TMEM150C: variants seen among roughly 807,000 people sequenced by gnomAD.
The protein encoded by TMEM150C is tentonin 3.
Under a neutral mutation model 29.9 loss-of-function variants are expected in TMEM150C, and 10 were observed. That is an observed-to-expected ratio of 0.33 (90% CI 0.21 to 0.57). The LOEUF is 0.57. TMEM150C is among the 20% of genes least tolerant of loss of function. The pLI is 0.88. For missense variants in TMEM150C, 251 were observed against 303.6 expected (o/e 0.83, Z 1.29); for synonymous variants, 101 against 112.5 (o/e 0.90, Z 0.64).
chr4:82,489,641 T>G (rs1276377142), intron 7 of TMEM150C, among the ~76,000 whole-genome samples: 1 of 152,176 alleles, frequency 6.6e-6, no homozygotes, highest in Non-Finnish European at 1.5e-5. Flanking sequence ...TATAAATGTA[T>G]TGGTCCTCTG....
intron 1 of TMEM150C, among the ~76,000 whole-genome samples, chr4:82,519,397 T>C (rs1223362887): frequency 2.0e-5 from 3 of 151,624 alleles, no homozygotes; most frequent in Non-Finnish European, 4.4e-5. Flanking sequence ...TATACGATGT[T>C]CTTTCTCTTT....
At position 82,521,103 on chromosome 4, in the gene TMEM150C, C is replaced by T. The variant is rs1290409373; in HGVS notation, c.-10-16436G>A. 2.0e-5 allele frequency among the ~76,000 whole-genome samples: 3 copies of T among 152,122 alleles called. No homozygotes were observed. In the East Asian group the frequency reaches 5.8e-4, roughly 29 times the overall value. ...GCTGCTCCCTCACCACAAGTCTTGGCAAAAATGGTACCTTCTTGGTGAGGC... is the reference window on the plus strand; with the variant it reads ...GCTGCTCCCTCACCACAAGTCTTGGTAAAAATGGTACCTTCTTGGTGAGGC... On this transcript the variant is annotated intron_variant, in intron 1 of 7. Coordinates refer to ENST00000449862, the MANE Select transcript of TMEM150C (RefSeq NM_001080506.3).
At chr4:82,540,168 C>T (rs1170177036) in intron 1 of TMEM150C, among the ~76,000 whole-genome samples, 2 of 87,810 alleles carry the variant, frequency 2.3e-5, no homozygotes, top group African/African-American at 7.7e-5. Flanking sequence ...CAAGGTCTTG[C>T]TCTGTTGTCA....
intron 1 of TMEM150C, among the ~76,000 whole-genome samples, chr4:82,514,938 T>G (rs1047770816): frequency 6.6e-6 from 1 of 152,244 alleles, no homozygotes; most frequent in African/African-American, 2.4e-5. Flanking sequence ...TGCCTTATTG[T>G]TGTTATAGCA....
At chr4:82,524,458 T>C (rs1724591004) in intron 1 of TMEM150C, among the ~76,000 whole-genome samples, 1 of 152,226 alleles carries the variant, frequency 6.6e-6, no homozygotes. Flanking sequence ...TGAATTTCTT[T>C]TAATCTACCC....
chr4:82,521,461 C>G (rs1258565320), intron 1 of TMEM150C, among the ~76,000 whole-genome samples: 1 of 152,122 alleles, frequency 6.6e-6, no homozygotes, highest in Non-Finnish European at 1.5e-5. Context: ...GAAATGTAAA[C>G]AAATAACTAC....
chr4:82,557,980 C>T (rs1011674531), intron 1 of TMEM150C, among the ~76,000 whole-genome samples: 1 of 152,074 alleles, frequency 6.6e-6, no homozygotes, highest in African/African-American at 2.4e-5. Context: ...ATCCACCCGC[C>T]TCAGCCTCCC....
intron 1 of TMEM150C, among the ~76,000 whole-genome samples, chr4:82,529,225 T>C (rs1472241871): frequency 6.6e-6 from 1 of 151,768 alleles, no homozygotes; most frequent in East Asian, 1.9e-4. Flanking sequence ...ACAAGAGAGT[T>C]GTTTTTTGTT....
chr4:82,490,163 G>T lies in TMEM150C; in HGVS notation c.439C>A (p.Gln147Lys). Residue 147 changes from glutamine to lysine, a missense_variant, in exon 7 of 8, where the codon CAG becomes AAG. Coordinates refer to ENST00000449862, the MANE Select transcript of TMEM150C (RefSeq NM_001080506.3). ...FGFGTLTCWI[Q>K]AALTLKVNIK... is the part of the protein sequence containing the mutation. ...TTGACCTTGAGTGTCAGCGCAGCCT[G>T]GATCCAGCAGGTCAATGTGCCAAAT... The T allele has an allele frequency of 1.2e-6, 2 of 1,614,012 alleles. No homozygotes were observed. Among genetic ancestry groups the T allele is most frequent in the Non-Finnish European group, 1.7e-6 (2 of 1,179,878 alleles).
chr4:82,517,509 T>C (rs1268922878), intron 1 of TMEM150C, among the ~76,000 whole-genome samples: 2 of 152,188 alleles, frequency 1.3e-5, no homozygotes, highest in African/African-American at 2.4e-5. Context: ...AGGGCCCTGA[T>C]AGAGCAAAAA....
intron 1 of TMEM150C, among the ~76,000 whole-genome samples, chr4:82,547,239 G>A (rs1244290606): frequency 6.7e-6 from 1 of 150,064 alleles, no homozygotes; most frequent in East Asian, 1.9e-4. Flanking sequence ...CAAAAGACAT[G>A]AACACACACG....
chr4:82,550,928 A>G (rs1725557940), intron 1 of TMEM150C, among the ~76,000 whole-genome samples: 1 of 152,132 alleles, frequency 6.6e-6, no homozygotes, highest in African/African-American at 2.4e-5. Flanking sequence ...GCCAGACAAG[A>G]GTTTGGGTGA....
chr4:82,514,789 C>T (rs1034176844), intron 1 of TMEM150C, among the ~76,000 whole-genome samples: 3 of 151,970 alleles, frequency 2.0e-5, no homozygotes, highest in Admixed American at 6.6e-5. Flanking sequence ...TCCTATGAAC[C>T]GGGACACGAT....
intron 6 of TMEM150C, chr4:82,491,110 C>T (rs1015304749): frequency 2.4e-5 from 17 of 703,234 alleles, no homozygotes; most frequent in African/African-American, 1.9e-4. Context: ...CGACACAGGG[C>T]AGGCAGGAAG....
intron 1 of TMEM150C, among the ~76,000 whole-genome samples, chr4:82,512,514 T>C (rs1231366617): frequency 6.6e-6 from 1 of 152,170 alleles, no homozygotes; most frequent in African/African-American, 2.4e-5. Context: ...GCAGCCTCCT[T>C]TGTAATAAGT....
chr4:82,520,631 C>T (rs778139691), intron 1 of TMEM150C, among the ~76,000 whole-genome samples: 2 of 152,214 alleles, frequency 1.3e-5, no homozygotes, highest in Non-Finnish European at 1.5e-5. Context: ...TGGTAGTTCA[C>T]GCCTGTTATA....
intron 1 of TMEM150C, among the ~76,000 whole-genome samples, chr4:82,550,050 C>G (rs533562143): frequency 4.9e-4 from 74 of 152,302 alleles, no homozygotes; most frequent in Non-Finnish European, 9.0e-4. Flanking sequence ...TGGTTTGGCT[C>G]TGTGTCCCCA....
chr4:82,504,055 ACCACCG>A (rs1723821227), intron 2 of TMEM150C, among the ~76,000 whole-genome samples: 16 of 152,308 alleles, frequency 1.1e-4, no homozygotes, highest in Admixed American at 5.2e-4. Flanking sequence ...AGTATTCTTC[ACCACCG>A]GCTTTGCATA....
rs6818677 is a variant in TMEM150C, at chr4:82,484,230, T to C, written c.*1281A>G. The C allele has an allele frequency of 0.58, 88,405 of 151,920 alleles. 26,155 individuals are homozygous for C. Among genetic ancestry groups the C allele is most frequent in the Admixed American group, 0.65 (9,982 of 15,272 alleles). 9.4% of individuals were successfully genotyped at this position (151,920 alleles called of 1,614,324 possible). ...AACAGTTTGAATTTGGAATTCTGCT[T>C]TTCTTCATGAAGCACAGTCTCATAA... On this transcript the variant is annotated 3_prime_UTR_variant, in exon 8 of 8. Coordinates refer to ENST00000449862, the MANE Select transcript of TMEM150C (RefSeq NM_001080506.3).
Sources: gnomAD v4.1 joint callset for allele counts (sites outside exome capture counted in the v4.1 genomes callset) on GRCh38, gnomAD v4.1.1 for gene constraint, MANE v1.5 for transcripts, NCBI Gene and HGNC (gene_info 2026-07-23, HGNC 2026-07-21) for gene names.